SLC9A9: variants seen among roughly 807,000 people sequenced by gnomAD.
SLC9A9 encodes the protein solute carrier family 9 member A9, also known as sodium/hydrogen exchanger 9.
SLC9A9 carries 62 observed loss-of-function variants against 77.8 expected under a neutral mutation model. That is an observed-to-expected ratio of 0.80 (90% CI 0.65 to 0.98). SLC9A9 has a LOEUF of 0.98. SLC9A9 is among the 50% of genes least tolerant of loss of function. The probability of loss-of-function intolerance (pLI) is 0.00; values close to 1 mark genes in which losing one functional copy is unlikely to be tolerated. For synonymous variants in SLC9A9, 320 were observed against 283.5 expected (o/e 1.13, Z -1.29); for missense variants, 775 against 774.9 (o/e 1.00, Z 0.00).
intron 2 of SLC9A9, among the ~76,000 whole-genome samples, chr3:143,830,276 C>G (rs2009402451): frequency 6.6e-6 from 1 of 152,192 alleles, no homozygotes; most frequent in South Asian, 2.1e-4. Context: ...CTGTTCCCAT[C>G]TCCAGATGCC....
chr3:143,586,684 C>T (rs571914475), intron 6 of SLC9A9, among the ~76,000 whole-genome samples: 1 of 152,266 alleles, frequency 6.6e-6, no homozygotes, highest in South Asian at 2.1e-4. Flanking sequence ...ATTGTGTGTA[C>T]ACATCGGAAT....
At chr3:143,731,889 T>G (rs1934812031) in intron 4 of SLC9A9, among the ~76,000 whole-genome samples, 1 of 152,232 alleles carries the variant, frequency 6.6e-6, no homozygotes, top group Non-Finnish European at 1.5e-5. Context: ...TCAACGGATG[T>G]GAGACATCAC....
At chr3:143,396,523 C>T (rs954094445) in intron 12 of SLC9A9, among the ~76,000 whole-genome samples, 10 of 152,220 alleles carry the variant, frequency 6.6e-5, no homozygotes, top group Non-Finnish European at 1.3e-4. Flanking sequence ...AGCACACCAA[C>T]GTGGCACATG....
chr3:143,358,646 A>G (rs775791223), intron 14 of SLC9A9, among the ~76,000 whole-genome samples: 1 of 152,218 alleles, frequency 6.6e-6, no homozygotes, highest in African/African-American at 2.4e-5. Flanking sequence ...ATAAGGCAAC[A>G]TGAGATTCTC....
intron 4 of SLC9A9, among the ~76,000 whole-genome samples, chr3:143,764,034 G>A (rs1025020035): frequency 5.9e-5 from 9 of 151,924 alleles, no homozygotes; most frequent in African/African-American, 2.2e-4. Flanking sequence ...AGGGATAACT[G>A]GGTTCTTCCT....
chr3:143,676,245 T>C (rs1030147281), intron 5 of SLC9A9, among the ~76,000 whole-genome samples: 1 of 152,160 alleles, frequency 6.6e-6, no homozygotes, highest in African/African-American at 2.4e-5. Flanking sequence ...CACAGACCTG[T>C]ACCCGTCTGT....
rs114200072 is a variant in SLC9A9 at position 143,587,106 on chromosome 3, G to A, written c.756-8383C>T. On this transcript the variant is annotated intron_variant, in intron 6 of 15. Coordinates refer to ENST00000316549, the MANE Select transcript of SLC9A9 (RefSeq NM_173653.4). ...AAGAGAAAAATACAAGAGGAATTCCGTGGGAAGGATAAGCTAGTGTATCAT... is the reference window on the plus strand; with the variant it reads ...AAGAGAAAAATACAAGAGGAATTCCATGGGAAGGATAAGCTAGTGTATCAT... Among the ~76,000 whole-genome samples, 625 of 152,324 alleles carry A rather than the reference G, an allele frequency of 4.1e-3. 2 individuals carry two copies. The highest frequency in any genetic ancestry group is 0.014 in the African/African-American group (600 of 41,566).
chr3:143,768,274 A>C (rs1447783956), intron 4 of SLC9A9, among the ~76,000 whole-genome samples: 3 of 152,202 alleles, frequency 2.0e-5, no homozygotes, highest in Admixed American at 6.6e-5. Context: ...AAGTAATCAA[A>C]AGAATACCAC....
chr3:143,266,991 T>G, intron 15 of SLC9A9, 62 bp from the exon 16 acceptor site: 1 of 1,478,096 alleles, frequency 6.8e-7, no homozygotes, highest in Non-Finnish European at 9.3e-7. Flanking sequence ...ATAGCAGTCC[T>G]ACAATTTTTT....
intron 3 of SLC9A9, among the ~76,000 whole-genome samples, chr3:143,796,430 T>C (rs1238184503): frequency 6.6e-6 from 1 of 152,208 alleles, no homozygotes; most frequent in Non-Finnish European, 1.5e-5. Flanking sequence ...AAAGATGAAA[T>C]AGGTTTTGAT....
chr3:143,391,285 C>T (rs1446710691), intron 12 of SLC9A9, among the ~76,000 whole-genome samples: 7 of 152,234 alleles, frequency 4.6e-5, no homozygotes, highest in Admixed American at 4.6e-4. Flanking sequence ...GCAACATTTG[C>T]TGTTCAGCAA....
intron 4 of SLC9A9, among the ~76,000 whole-genome samples, chr3:143,702,510 G>T (rs1484714836): frequency 6.6e-6 from 1 of 151,652 alleles, no homozygotes; most frequent in African/African-American, 2.4e-5. Context: ...AAAATAATGA[G>T]TTACAAGATA....
At chr3:143,769,897 TAACTGC>T (rs2007457572) in intron 4 of SLC9A9, among the ~76,000 whole-genome samples, 1 of 152,216 alleles carries the variant, frequency 6.6e-6, no homozygotes, top group African/African-American at 2.4e-5. Context: ...CCTAGGGAGC[TAACTGC>T]AACTGTGGTT....
At chr3:143,842,141 G>A (rs1234585385) in intron 1 of SLC9A9, among the ~76,000 whole-genome samples, 2 of 152,126 alleles carry the variant, frequency 1.3e-5, no homozygotes, top group African/African-American at 4.8e-5. Flanking sequence ...AGCACTTTGG[G>A]AGGCTGAGGC....
In SLC9A9 at chr3:143,688,323, C is replaced by T. The variant is rs114845984; in HGVS notation, c.649+4869G>A. Among the ~76,000 whole-genome samples the T allele has an allele frequency of 4.0e-3, 607 of 152,012 alleles. 6 individuals are homozygous for T. Among genetic ancestry groups the T allele is most frequent in the African/African-American group, 0.014 (561 of 41,496 alleles). ...ATAATTTCAGGGGCATCACCTGCCACGGAAGGAGCAGCACTTGACTACAAC... is the reference window on the plus strand; with the variant it reads ...ATAATTTCAGGGGCATCACCTGCCATGGAAGGAGCAGCACTTGACTACAAC... On this transcript the variant is annotated intron_variant, in intron 5 of 15. Transcript: ENST00000316549.
At chr3:143,465,748 T>A (rs951369136) in intron 12 of SLC9A9, among the ~76,000 whole-genome samples, 1 of 152,216 alleles carries the variant, frequency 6.6e-6, no homozygotes, top group Non-Finnish European at 1.5e-5. Flanking sequence ...TTTAATGCAA[T>A]CTGTGTACTC....
intron 5 of SLC9A9, among the ~76,000 whole-genome samples, chr3:143,665,728 T>C (rs1242050): frequency 0.29 from 44,396 of 151,898 alleles, 7,907 homozygotes; most frequent in African/African-American, 0.51. Flanking sequence ...ACTAGAAAAT[T>C]TAGAAGAAAT....
chr3:143,655,342 C>A (rs866046943), intron 5 of SLC9A9, among the ~76,000 whole-genome samples: 2 of 152,142 alleles, frequency 1.3e-5, no homozygotes, highest in Non-Finnish European at 2.9e-5. Context: ...CAAGGCAGGA[C>A]TAAAAGTCAA....
chr3:143,516,324 G>C (rs1290621913), intron 9 of SLC9A9, among the ~76,000 whole-genome samples: 1 of 151,778 alleles, frequency 6.6e-6, no homozygotes, highest in Non-Finnish European at 1.5e-5. Context: ...CTTTATTTCA[G>C]TTTTCTTATC....
Sources: gnomAD v4.1 joint callset for allele counts (sites outside exome capture counted in the v4.1 genomes callset) on GRCh38, gnomAD v4.1.1 for gene constraint, MANE v1.5 for transcripts, NCBI Gene and HGNC (gene_info 2026-07-23, HGNC 2026-07-21) for gene names.